The following CCDC169 variants were observed in gnomAD, a reference collection of about 807,000 sequenced individuals.
CCDC169 encodes the protein coiled-coil domain containing 169.
In CCDC169, 30 loss-of-function variants were observed where a neutral mutation model predicts 36.0. The observed-to-expected ratio is 0.83, with a 90% CI of 0.62 to 1.13. CCDC169 has a LOEUF of 1.13. Ranked by LOEUF, CCDC169 falls within the 50% of genes most tolerant of loss-of-function variation. The pLI is 0.00. For missense variants in CCDC169, 245 were observed against 245.9 expected, an observed-to-expected ratio of 1.00 and a Z score of 0.03; for synonymous variants, 85 against 81.5, an observed-to-expected ratio of 1.04 and a Z score of -0.23.
At chr13:36,228,300 T>C (rs190528512), downstream of CCDC169, among the ~76,000 whole-genome samples, 1 of 152,256 alleles carries the variant, frequency 6.6e-6, no homozygotes, top group Admixed American at 6.5e-5. Flanking sequence ...GGGTTCCAGG[T>C]TTTTCACACT....
intron 4 of CCDC169, among the ~76,000 whole-genome samples, chr13:36,260,436 T>A (rs1187629314): frequency 6.6e-6 from 1 of 152,182 alleles, no homozygotes; most frequent in Non-Finnish European, 1.5e-5. Context: ...GCACTTTTTT[T>A]ATAAAAAGAT....
At chr13:36,257,335 G>T (rs1205147346) in intron 4 of CCDC169, among the ~76,000 whole-genome samples, 1 of 152,084 alleles carries the variant, frequency 6.6e-6, no homozygotes, top group Non-Finnish European at 1.5e-5. Flanking sequence ...CACTGTGGTG[G>T]CCCATCCCTG....
At chr13:36,268,425 TG>T (rs746441271) in intron 4 of CCDC169, among the ~76,000 whole-genome samples, 11 of 152,136 alleles carry the variant, frequency 7.2e-5, no homozygotes, top group Non-Finnish European at 1.3e-4. Context: ...TTGAATTGAA[TG>T]ATAATAATGA....
chr13:36,256,115 T>C (rs1194299874), intron 4 of CCDC169, among the ~76,000 whole-genome samples: 1 of 152,218 alleles, frequency 6.6e-6, no homozygotes, highest in East Asian at 1.9e-4. Context: ...TTGCTGATGG[T>C]CAGTGCTGTC....
At chr13:36,245,416 C>A (rs941780475) in intron 7 of CCDC169, among the ~76,000 whole-genome samples, 1 of 152,062 alleles carries the variant, frequency 6.6e-6, no homozygotes, top group Non-Finnish European at 1.5e-5. Flanking sequence ...CCTCCTGTCT[C>A]AGCCTCCCAA....
At chr13:36,225,678 C>T (rs1173107566), downstream of CCDC169, 1 of 151,918 alleles carries the variant, frequency 6.6e-6, no homozygotes, top group Non-Finnish European at 1.5e-5. Context: ...AGAAAATATC[C>T]ATGAACTATG....
chr13:36,262,608 A>G (rs1315462093), intron 4 of CCDC169, among the ~76,000 whole-genome samples: 1 of 152,208 alleles, frequency 6.6e-6, no homozygotes, highest in Admixed American at 6.5e-5. Flanking sequence ...CCCCTGCCCC[A>G]ACTGAAAGGA....
downstream of CCDC169, chr13:36,225,434 G>C (rs1593975143): frequency 6.6e-6 from 1 of 152,640 alleles, no homozygotes; most frequent in African/African-American, 2.4e-5. Flanking sequence ...CAAACTCCTG[G>C]GCTCAAGCAA....
intron 4 of CCDC169, 135 bp from the exon 5 acceptor site, chr13:36,254,278 T>A (rs1391877544): frequency 8.3e-6 from 4 of 480,724 alleles, no homozygotes; most frequent in Non-Finnish European, 1.3e-5. Context: ...ATATGTACTT[T>A]TTTTTTTTTT....
intron 7 of CCDC169, among the ~76,000 whole-genome samples, chr13:36,233,929 A>G (rs1576226): frequency 0.41 from 61,621 of 152,014 alleles, 13,269 homozygotes; most frequent in Non-Finnish European, 0.48. Context: ...CACTAATGCA[A>G]CTGTGCCACC....
intron 7 of CCDC169, among the ~76,000 whole-genome samples, chr13:36,241,569 G>A (rs1871822812): frequency 6.6e-6 from 1 of 152,058 alleles, no homozygotes; most frequent in African/African-American, 2.4e-5. Flanking sequence ...ATGAGTTATA[G>A]TTTGTTTTTA....
At position 36,285,584 on chromosome 13, in the gene CCDC169, A is replaced by AGAT. The variant is rs1555254443; in HGVS notation, c.164-1883_164-1882insATC. ...AAAATTTTTCTCAAAAAAATAAAAT[A>AGAT]AGATAGATAGATAGATAGATAGATA... is the stretch of plus-strand genomic sequence containing the variant. On this transcript the variant is annotated intron_variant, in intron 2 of 7. Coordinates refer to ENST00000239859, the MANE Select transcript of CCDC169 (RefSeq NM_001144981.3). 1.7e-3 allele frequency among the ~76,000 whole-genome samples: 235 copies of AGAT among 138,146 alleles called. 1 individual carries two copies. Among genetic ancestry groups the AGAT allele is most frequent in the Non-Finnish European group, 2.9e-3 (181 of 62,294 alleles). 90.6% of individuals were successfully genotyped at this position (138,146 alleles called of 152,430 possible).
chr13:36,278,803 A>G (rs1028141413), intron 4 of CCDC169, among the ~76,000 whole-genome samples: 1 of 152,084 alleles, frequency 6.6e-6, no homozygotes, highest in African/African-American at 2.4e-5. Context: ...TGACTTGGTG[A>G]TCTCTGTTTT....
chr13:36,289,189 C>A (rs574430966), intron 2 of CCDC169, among the ~76,000 whole-genome samples: 1 of 152,264 alleles, frequency 6.6e-6, no homozygotes, highest in African/African-American at 2.4e-5. Flanking sequence ...AAAAGCTTCT[C>A]AGAATCATAT....
At chr13:36,292,688 G>C (rs1879044036) in intron 2 of CCDC169, among the ~76,000 whole-genome samples, 1 of 152,162 alleles carries the variant, frequency 6.6e-6, no homozygotes, top group Non-Finnish European at 1.5e-5. Context: ...GCTGTAAATG[G>C]GGCAGGGACA....
chr13:36,281,284 A>G (rs1877502669), intron 4 of CCDC169: 1 of 439,432 alleles, frequency 2.3e-6, no homozygotes, highest in Non-Finnish European at 4.5e-6. Flanking sequence ...AAAAAAAAGA[A>G]AAGAGAAAAA....
At chr13:36,275,515 C>G (rs1018116388) in intron 4 of CCDC169, among the ~76,000 whole-genome samples, 1 of 152,182 alleles carries the variant, frequency 6.6e-6, no homozygotes, top group Non-Finnish European at 1.5e-5. Flanking sequence ...GTCCACAGAA[C>G]ACCTCAGGAG....
At chr13:36,297,102 A>G (rs774640535) in intron 1 of CCDC169, among the ~76,000 whole-genome samples, 21 of 152,232 alleles carry the variant, frequency 1.4e-4, no homozygotes, top group African/African-American at 2.9e-4. Flanking sequence ...GGAGAGTCCA[A>G]TTCTCACGGG....
intron 7 of CCDC169, among the ~76,000 whole-genome samples, chr13:36,239,699 C>G (rs1871532626): frequency 6.6e-6 from 1 of 152,076 alleles, no homozygotes; most frequent in South Asian, 2.1e-4. Flanking sequence ...AAAATGGAAT[C>G]TGAGAGTGGT....
Sources: gnomAD v4.1 joint callset for allele counts (sites outside exome capture counted in the v4.1 genomes callset) on GRCh38, gnomAD v4.1.1 for gene constraint, MANE v1.5 for transcripts, NCBI Gene and HGNC (gene_info 2026-07-23, HGNC 2026-07-21) for gene names.